AGPAT4: variants seen among roughly 807,000 people sequenced by gnomAD.
AGPAT4 encodes the protein 1-acyl-sn-glycerol-3-phosphate acyltransferase delta.
In AGPAT4, 15 loss-of-function variants were observed where a neutral mutation model predicts 48.0. The ratio of observed to expected loss-of-function variants is 0.31; its 90% CI spans 0.21 to 0.48. The LOEUF (loss-of-function observed/expected upper bound fraction) is 0.48, where lower values mean the gene tolerates loss of function less well. AGPAT4 is among the 20% of genes least tolerant of loss of function. AGPAT4 has a pLI of 0.99. For synonymous variants in AGPAT4, 178 were observed against 198.7 expected (o/e 0.90, Z 0.88); for missense variants, 314 against 482.5 (o/e 0.65, Z 3.27).
At position 161,158,108 on chromosome 6, in the gene AGPAT4, G is replaced by A. The variant is rs949240251; in HGVS notation, c.349-3798C>T. ...CCCATTTTCTCTGCCATGCTTTAGC[G>A]TAATAGTAACAACAATAGATTACAT... On this transcript the variant is annotated intron_variant, in intron 3 of 8. Coordinates refer to ENST00000320285, the MANE Select transcript of AGPAT4 (RefSeq NM_020133.3). The surrounding 1 kb of genome is among the most constrained non-coding windows in gnomAD (Gnocchi z 5.3). 3.3e-5 allele frequency among the ~76,000 whole-genome samples: 5 copies of A among 152,294 alleles called. No individual in the cohort carries two copies. The East Asian group carries it at 5.8e-4, about 18-fold the overall frequency.
chr6:161,209,606 T>C (rs1234803489), intron 2 of AGPAT4, among the ~76,000 whole-genome samples: 2 of 152,084 alleles, frequency 1.3e-5, no homozygotes, highest in East Asian at 1.9e-4. Flanking sequence ...AGCATGTTCA[T>C]AGCAAGACTC....
At chr6:161,160,734 A>C (rs1779904403) in intron 3 of AGPAT4, 2 of 342,468 alleles carry the variant, frequency 5.8e-6, no homozygotes, top group African/African-American at 4.3e-5. Context: ...CTCCCTGCAC[A>C]AAGCCCTTGT....
rs534932696 is a variant in AGPAT4, at chr6:161,140,023, C to A, written c.844-403G>T. On this transcript the variant is annotated intron_variant, in intron 7 of 8. Transcript: ENST00000320285. This position sits in a 1 kb window ranked among gnomAD's most constrained non-coding sequence, Gnocchi z 6.5. The stretch of plus-strand genomic sequence containing the variant: ...GCGGGAGAATGGAGTGGATGCTGCG[C>A]CGAAGCTGCCCGCAGGGGACACTCG... 6.6e-6 allele frequency among the ~76,000 whole-genome samples: 1 copy of A among 152,342 alleles called. No homozygotes were observed. The highest frequency in any genetic ancestry group is 2.4e-5 in the African/African-American group (1 of 41,586).
intron 7 of AGPAT4, among the ~76,000 whole-genome samples, chr6:161,145,173 C>T (rs2114957313): frequency 6.6e-6 from 1 of 151,662 alleles, no homozygotes; most frequent in South Asian, 2.1e-4. Context: ...TGTTAAAAAG[C>T]TTCAGGCCTC....
chr6:161,151,107 A>T (rs1007507294), intron 5 of AGPAT4, among the ~76,000 whole-genome samples: 4 of 152,240 alleles, frequency 2.6e-5, no homozygotes, highest in African/African-American at 4.8e-5. Flanking sequence ...TTCTAACTGC[A>T]AGGCGCATCA....
intron 1 of AGPAT4, among the ~76,000 whole-genome samples, chr6:161,252,231 G>T (rs77555189): frequency 2.6e-5 from 4 of 152,234 alleles, no homozygotes; most frequent in Non-Finnish European, 5.9e-5. Flanking sequence ...TTCTTGCAGT[G>T]GTAATAGGAG....
rs1276473701 is a variant in AGPAT4 at position 161,204,151 on chromosome 6, A to T, written c.178+27885T>A. Among the ~76,000 whole-genome samples the T allele has an allele frequency of 3.3e-5, 5 of 152,142 alleles. No homozygotes were observed. Among genetic ancestry groups the T allele is most frequent in the Admixed American group, 1.3e-4 (2 of 15,280 alleles). The stretch of plus-strand genomic sequence containing the variant: ...GGAATGTGTGCTTAAAAAAACTTAA[A>T]TTTTTCTCAGTTGCATTTAGAGAAG... On this transcript the variant is annotated intron_variant, in intron 2 of 8. Transcript: ENST00000320285. This position sits in a 1 kb window ranked among gnomAD's most constrained non-coding sequence, Gnocchi z 4.4.
intron 2 of AGPAT4, among the ~76,000 whole-genome samples, chr6:161,183,638 T>TGAGGGCAGGAGAGGG (rs1780665873): frequency 2.6e-5 from 1 of 37,826 alleles, no homozygotes; most frequent in African/African-American, 1.2e-4. Context: ...GGAGGGGAGG[T>TGAGGGCAGGAGAGGG]GAGGGGAGGA....
chr6:161,243,449 C>T lies in AGPAT4; in HGVS notation c.-89-11147G>A, dbSNP rs915748873. ...GGACTGGCAGCTCACGTCAGAGCCT[C>T]GGCCATCCTGCGCACTTGGCCCACC... On this transcript the variant is annotated intron_variant, in intron 1 of 8. Transcript: ENST00000320285. The surrounding 1 kb of genome is among the most constrained non-coding windows in gnomAD (Gnocchi z 4.8). Among the ~76,000 whole-genome samples, 3 of 152,220 alleles carry T rather than the reference C, an allele frequency of 2.0e-5. No homozygotes were observed. Among genetic ancestry groups the T allele is most frequent in the Non-Finnish European group, 1.5e-5 (1 of 68,042 alleles).
chr6:161,188,868 C>T (rs6937311), intron 2 of AGPAT4, among the ~76,000 whole-genome samples: 11,162 of 152,022 alleles, frequency 0.073, 1,361 homozygotes, highest in African/African-American at 0.25. Context: ...AGATCGGCAT[C>T]GCTATCTCAT....
In AGPAT4 at chr6:161,180,593, G is replaced by T. The variant is rs576919746; in HGVS notation, c.179-14176C>A. On this transcript the variant is annotated intron_variant, in intron 2 of 8. Transcript: ENST00000320285. The surrounding 1 kb of genome is among the most constrained non-coding windows in gnomAD (Gnocchi z 6.4). ...ATTTATAATAACCTTTTATCATTTA[G>T]CTTTTAACTGATAATAATTTAGGTT... is the stretch of plus-strand genomic sequence containing the variant. 1.1e-4 allele frequency among the ~76,000 whole-genome samples: 16 copies of T among 152,218 alleles called. No individual in the cohort carries two copies. Among genetic ancestry groups the T allele is most frequent in the African/African-American group, 3.9e-4 (16 of 41,514 alleles).
At chr6:161,256,643 C>A (rs900296062) in intron 1 of AGPAT4, among the ~76,000 whole-genome samples, 1 of 152,198 alleles carries the variant, frequency 6.6e-6, no homozygotes, top group African/African-American at 2.4e-5. Context: ...GCTCGGGAGG[C>A]AGAGACGGCG....
rs536528681 is a variant in AGPAT4, at chr6:161,167,140, A to C, written c.179-723T>G. On this transcript the variant is annotated intron_variant, in intron 2 of 8. Coordinates refer to ENST00000320285, the MANE Select transcript of AGPAT4 (RefSeq NM_020133.3). ...TAGAAACTGTCCAGAAAAACAGTTG[A>C]ATGTGGGTGATGGACTTTGAAATGG... Among the ~76,000 whole-genome samples the C allele has an allele frequency of 2.2e-4, 34 of 152,298 alleles. No homozygotes were observed. In the East Asian group the frequency reaches 6.4e-3, roughly 29 times the overall value.
chr6:161,131,091 G>A lies in AGPAT4; in HGVS notation c.*5449C>T. 3.5e-6 allele frequency: 1 copy of A among 288,918 alleles called. No homozygotes were observed. The highest frequency in any genetic ancestry group is 7.1e-6 in the Non-Finnish European group (1 of 140,728). 17.9% of individuals were successfully genotyped at this position (288,918 alleles called of 1,614,324 possible). ...TCCCTTAAAATTCAGCAGAACCAGA[G>A]GTGCCAGAAATGTCAAAAAATATCT... is the stretch of plus-strand genomic sequence containing the variant. On this transcript the variant is annotated 3_prime_UTR_variant, in exon 9 of 9. Coordinates refer to ENST00000320285, the MANE Select transcript of AGPAT4 (RefSeq NM_020133.3).
intron 2 of AGPAT4, among the ~76,000 whole-genome samples, chr6:161,174,517 C>T (rs551975950): frequency 5.9e-5 from 9 of 152,164 alleles, no homozygotes; most frequent in East Asian, 3.9e-4. Flanking sequence ...ACTTTGCTGA[C>T]GTTGTTTATC....
rs548995795 is a variant in AGPAT4, at chr6:161,215,795, C to A, written c.178+16241G>T. ...TCTAAAAGTCCTACCAGCCACCAAC[C>A]CATTGTAATTTCTCCTTTTTAGGTA... On this transcript the variant is annotated intron_variant, in intron 2 of 8. Transcript: ENST00000320285. The surrounding 1 kb of genome is among the most constrained non-coding windows in gnomAD (Gnocchi z 4.5). Among the ~76,000 whole-genome samples, 17 of 152,206 alleles carry A rather than the reference C, an allele frequency of 1.1e-4. No homozygotes were observed. The highest frequency in any genetic ancestry group is 4.1e-4 in the African/African-American group (17 of 41,528).
chr6:161,190,126 G>A (rs2314157), intron 2 of AGPAT4, among the ~76,000 whole-genome samples: 1 of 151,984 alleles, frequency 6.6e-6, no homozygotes, highest in South Asian at 2.1e-4. Flanking sequence ...GCCAGGGTCA[G>A]GGGAAGGGAG....
At position 161,235,923 on chromosome 6, in the gene AGPAT4, A is replaced by G. The variant is rs555039849; in HGVS notation, c.-89-3621T>C. Reference sequence around the variant, plus strand: ...GACTTGGGCAGGGACACAGATACAAACCATATCAGCTTCTTTCCCATCTTG... The same window carrying G: ...GACTTGGGCAGGGACACAGATACAAGCCATATCAGCTTCTTTCCCATCTTG... On this transcript the variant is annotated intron_variant, in intron 1 of 8. Transcript: ENST00000320285. The surrounding 1 kb of genome is among the most constrained non-coding windows in gnomAD (Gnocchi z 6.2). Among the ~76,000 whole-genome samples the G allele has an allele frequency of 6.6e-5, 10 of 152,260 alleles. No individual in the cohort carries two copies. Among genetic ancestry groups the G allele is most frequent in the African/African-American group, 2.4e-4 (10 of 41,550 alleles).
rs1353362612 is a variant in AGPAT4, at chr6:161,208,231, C to G, written c.178+23805G>C. On this transcript the variant is annotated intron_variant, in intron 2 of 8. Transcript: ENST00000320285. This position sits in a 1 kb window ranked among gnomAD's most constrained non-coding sequence, Gnocchi z 4.6. ...TCCTTTTTTATATGAACGTTAGCTA[C>G]CAAGACAAGCACTGTTACTAAAAGT... Among the ~76,000 whole-genome samples, 1 of 152,086 alleles carries G rather than the reference C, an allele frequency of 6.6e-6. No individual in the cohort carries two copies. Among genetic ancestry groups the G allele is most frequent in the Non-Finnish European group, 1.5e-5 (1 of 68,002 alleles).
Sources: gnomAD v4.1 joint callset for allele counts (sites outside exome capture counted in the v4.1 genomes callset) on GRCh38, gnomAD v4.1.1 for gene constraint, Gnocchi (gnomAD v3.1) non-coding constraint, MANE v1.5 for transcripts, NCBI Gene and HGNC (gene_info 2026-07-23, HGNC 2026-07-21) for gene names.